WWOX: variants seen among roughly 807,000 people sequenced by gnomAD.
The protein encoded by WWOX is WW domain containing oxidoreductase, also known as WW domain-containing oxidoreductase.
Under a neutral mutation model 46.2 loss-of-function variants are expected in WWOX, and 69 were observed. The observed-to-expected ratio is 1.49, with a 90% CI of 1.23 to 1.82. The LOEUF (loss-of-function observed/expected upper bound fraction) is 1.82. WWOX is among the 40% of genes most tolerant of loss of function. The pLI is 0.00. For missense variants in WWOX, 919 were observed against 542.6 expected, an observed-to-expected ratio of 1.69 and a Z score of -6.89; for synonymous variants, 359 against 202.6, an observed-to-expected ratio of 1.77 and a Z score of -6.56.
chr16:79,048,647 T>C (rs529739363), intron 8 of WWOX, among the ~76,000 whole-genome samples: 1 of 152,330 alleles, frequency 6.6e-6, no homozygotes, highest in Admixed American at 6.5e-5. Context: ...AATTATACTC[T>C]AAAGCATCAA....
Position 78,631,991 on chromosome 16 carries a change from A to G in WWOX, c.1056+199239A>G, listed in dbSNP as rs1016614162. ...TAAGTCTGCTTACTCGGAAAAATAA[A>G]ACAAAGTTGACAACCTGATTTCAGA... On this transcript the variant is annotated intron_variant, in intron 8 of 8. Transcript: ENST00000566780. Among the ~76,000 whole-genome samples, 33 of 151,736 alleles carry G rather than the reference A, an allele frequency of 2.2e-4. 1 individual carries two copies. Among genetic ancestry groups the G allele is most frequent in the Admixed American group, 5.9e-4 (9 of 15,262 alleles).
rs577877931 is a variant in WWOX, at chr16:78,468,906, T to A, written c.1056+36154T>A. 4.6e-5 allele frequency among the ~76,000 whole-genome samples: 7 copies of A among 152,358 alleles called. No individual in the cohort carries two copies. In the South Asian group the frequency reaches 1.4e-3, roughly 32 times the overall value. ...TTTTAAAAGGTTTCCCTTTGTAACC[T>A]GTAACCCCCTCTACCCCAAAAGTAT... On this transcript the variant is annotated intron_variant, in intron 8 of 8. Transcript: ENST00000566780.
intron 8 of WWOX, among the ~76,000 whole-genome samples, chr16:78,630,184 G>T (rs1391324772): frequency 6.6e-6 from 1 of 152,192 alleles, no homozygotes; most frequent in East Asian, 1.9e-4. Context: ...TGATGATTGT[G>T]TATTCCTCAT....
chr16:78,917,728 T>C (rs1459375640), intron 8 of WWOX, among the ~76,000 whole-genome samples: 2 of 152,108 alleles, frequency 1.3e-5, no homozygotes, highest in African/African-American at 4.8e-5. Flanking sequence ...TTTTTGGTAG[T>C]GCCTCCAGAA....
At chr16:78,464,728 A>G (rs994169633) in intron 8 of WWOX, among the ~76,000 whole-genome samples, 1 of 152,044 alleles carries the variant, frequency 6.6e-6, no homozygotes, top group African/African-American at 2.4e-5. Flanking sequence ...CTCATTGTTC[A>G]TATTCATAAA....
intron 8 of WWOX, among the ~76,000 whole-genome samples, chr16:78,572,255 A>AC (rs1210153647): frequency 9.9e-5 from 15 of 152,192 alleles, no homozygotes; most frequent in African/African-American, 3.6e-4. Context: ...GGATACCAGA[A>AC]CGTGCATCAA....
intron 8 of WWOX, among the ~76,000 whole-genome samples, chr16:78,617,192 A>T (rs1343656783): frequency 6.6e-6 from 1 of 152,162 alleles, no homozygotes; most frequent in African/African-American, 2.4e-5. Flanking sequence ...CAGGTGGATC[A>T]CTTGAGCCCC....
At chr16:78,753,615 C>T (rs937253668) in intron 8 of WWOX, among the ~76,000 whole-genome samples, 17 of 151,466 alleles carry the variant, frequency 1.1e-4, no homozygotes, top group African/African-American at 3.9e-4. Flanking sequence ...GCCTGGCTAA[C>T]ATCATGAAAT....
intron 8 of WWOX, among the ~76,000 whole-genome samples, chr16:78,812,760 T>G (rs531683133): frequency 3.3e-5 from 5 of 152,094 alleles, no homozygotes; most frequent in South Asian, 2.1e-4. Flanking sequence ...TCCAAAGGCC[T>G]TGACTAATGC....
chr16:78,443,244 G>A (rs2083485498), intron 8 of WWOX, among the ~76,000 whole-genome samples: 1 of 151,688 alleles, frequency 6.6e-6, no homozygotes, highest in African/African-American at 2.4e-5. Context: ...GGTGGAGGTT[G>A]CAGTGAGCTG....
At chr16:79,143,326 A>G (rs1449881210) in intron 8 of WWOX, among the ~76,000 whole-genome samples, 1 of 152,234 alleles carries the variant, frequency 6.6e-6, no homozygotes, top group Non-Finnish European at 1.5e-5. Context: ...AACACATTAA[A>G]TGTATTTAAA....
chr16:78,684,594 G>T (rs1428997938), intron 8 of WWOX, among the ~76,000 whole-genome samples: 1 of 152,208 alleles, frequency 6.6e-6, no homozygotes, highest in Non-Finnish European at 1.5e-5. Flanking sequence ...GGGTGGAGAA[G>T]CCATGTGGGA....
chr16:78,492,393 A>T (rs1221164234), intron 8 of WWOX, among the ~76,000 whole-genome samples: 2 of 152,222 alleles, frequency 1.3e-5, no homozygotes, highest in African/African-American at 4.8e-5. Flanking sequence ...TCTAGCAATT[A>T]AGCCTCCCTT....
chr16:78,523,641 T>G (rs530586573), intron 8 of WWOX, among the ~76,000 whole-genome samples: 1 of 152,336 alleles, frequency 6.6e-6, no homozygotes, highest in East Asian at 1.9e-4. Context: ...AAAACTTCGC[T>G]TTTCGTAATG....
intron 5 of WWOX, among the ~76,000 whole-genome samples, chr16:78,320,891 A>G (rs2080453224): frequency 1.3e-5 from 2 of 152,198 alleles, no homozygotes; most frequent in African/African-American, 4.8e-5. Context: ...AAATAGCTTC[A>G]TGTGTTTCTG....
chr16:78,544,116 T>A (rs2043964733), intron 8 of WWOX, among the ~76,000 whole-genome samples: 1 of 152,210 alleles, frequency 6.6e-6, no homozygotes, highest in South Asian at 2.1e-4. Flanking sequence ...TGAATTAATT[T>A]ACTTGCATAT....
In WWOX at chr16:78,669,064, C is replaced by G. The variant is rs565854004; in HGVS notation, c.1056+236312C>G. Among the ~76,000 whole-genome samples the G allele has an allele frequency of 7.2e-5, 11 of 152,326 alleles. No homozygotes were observed. The South Asian group carries it at 1.7e-3, about 23-fold the overall frequency. On this transcript the variant is annotated intron_variant, in intron 8 of 8. Coordinates refer to ENST00000566780, the MANE Select transcript of WWOX (RefSeq NM_016373.4). ...GAAGTGACCCTCCAGGAAGGCCCTT[C>G]CACTGAAGCTACAACTGGAGCTAAG... is the stretch of plus-strand genomic sequence containing the variant.
At chr16:78,852,022 C>T (rs1204322406) in intron 8 of WWOX, among the ~76,000 whole-genome samples, 2 of 152,150 alleles carry the variant, frequency 1.3e-5, no homozygotes, top group East Asian at 1.9e-4. Context: ...ATAATACTGG[C>T]CCCACAATCA....
At chr16:78,691,454 T>G (rs35184599) in intron 8 of WWOX, among the ~76,000 whole-genome samples, 1 of 152,126 alleles carries the variant, frequency 6.6e-6, no homozygotes, top group Non-Finnish European at 1.5e-5. Flanking sequence ...CTCCACACTT[T>G]GGGAGGCTGA....
Sources: allele counts gnomAD v4.1 joint callset (sites outside exome capture counted in the v4.1 genomes callset), GRCh38; gene constraint gnomAD v4.1.1; transcripts MANE v1.5; gene names NCBI Gene and HGNC (gene_info 2026-07-23, HGNC 2026-07-21).